ADGRL2: variants seen among roughly 807,000 people sequenced by gnomAD.
The protein encoded by ADGRL2 is calcium-independent alpha-latrotoxin receptor 2.
In ADGRL2, 44 loss-of-function variants were observed where a neutral mutation model predicts 157.4. That is an observed-to-expected ratio of 0.28 (90% confidence interval 0.22 to 0.36). The LOEUF (loss-of-function observed/expected upper bound fraction) is 0.36. Ranked by LOEUF, ADGRL2 falls within the 10% of genes least tolerant of loss-of-function variation. The probability of loss-of-function intolerance (pLI) is 1.00; values close to 1 mark genes in which losing one functional copy is unlikely to be tolerated. For missense variants in ADGRL2, 1,510 were observed against 1,768.9 expected (o/e 0.85, Z 2.63); for synonymous variants, 585 against 624.7 (o/e 0.94, Z 0.95).
chr1:81,712,530 C>T (rs1021321468), intron 1 of ADGRL2, among the ~76,000 whole-genome samples: 1 of 151,878 alleles, frequency 6.6e-6, no homozygotes, highest in Non-Finnish European at 1.5e-5. Context: ...TATTTAAGAC[C>T]GAGACACTGA....
chr1:81,456,435 G>A (rs572088309), intron 2 of ADGRL2, among the ~76,000 whole-genome samples: 65 of 151,830 alleles, frequency 4.3e-4, no homozygotes, highest in African/African-American at 1.5e-3. Flanking sequence ...ACAGGGTCTC[G>A]CTTTGTTGCC....
intron 17 of ADGRL2, among the ~76,000 whole-genome samples, chr1:81,973,647 T>C (rs1572454839): frequency 6.6e-6 from 1 of 152,354 alleles, no homozygotes; most frequent in East Asian, 1.9e-4. Flanking sequence ...TATTATGTTG[T>C]TCATTTATAG....
rs367624384 is a variant in ADGRL2 at position 81,950,320 on chromosome 1, A to G, written c.1342A>G (p.Thr448Ala). 6.2e-6 allele frequency: 10 copies of G among 1,613,992 alleles called. No individual in the cohort carries two copies. The highest frequency in any genetic ancestry group is 8.5e-6 in the Non-Finnish European group (10 of 1,179,978). The change falls in exon 7 of 24, where the codon ACA becomes GCA. Residue 448 changes from threonine (T) to alanine (A), a missense_variant. This residue lies in a region of ADGRL2 where 325 missense variants were observed against 333.2 expected (regional missense o/e 0.98). Coordinates refer to ENST00000686636, the MANE Select transcript of ADGRL2 (RefSeq NM_001366006.2). Reference protein sequence around the residue: ...VAGSQEGSKGTKPPPAVSTTK... With the variant: ...VAGSQEGSKGAKPPPAVSTTK... ...TGGATCACAGGAAGGAAGCAAAGGGACAAAACCACCTCCAGCAGTTTCTAC... is the reference window on the plus strand; with the variant it reads ...TGGATCACAGGAAGGAAGCAAAGGGGCAAAACCACCTCCAGCAGTTTCTAC...
intron 2 of ADGRL2, among the ~76,000 whole-genome samples, chr1:81,792,281 T>C (rs1403699980): frequency 6.6e-6 from 1 of 152,212 alleles, no homozygotes; most frequent in Non-Finnish European, 1.5e-5. Context: ...GTGCCAAATG[T>C]AGCACAAATG....
At chr1:81,395,546 C>A (rs557926971) in intron 1 of ADGRL2, among the ~76,000 whole-genome samples, 1 of 152,106 alleles carries the variant, frequency 6.6e-6, no homozygotes, top group African/African-American at 2.4e-5. Flanking sequence ...AGTAGCATTT[C>A]AGTTTGATAT....
chr1:81,755,377 T>C (rs1335988694), intron 1 of ADGRL2, among the ~76,000 whole-genome samples: 2 of 151,768 alleles, frequency 1.3e-5, no homozygotes, highest in Non-Finnish European at 2.9e-5. Flanking sequence ...TCATTATCAT[T>C]ATTATATATG....
intron 2 of ADGRL2, among the ~76,000 whole-genome samples, chr1:81,529,217 G>T (rs1327423073): frequency 6.6e-6 from 1 of 152,216 alleles, no homozygotes; most frequent in East Asian, 1.9e-4. Flanking sequence ...ACAAGGGGAG[G>T]TGCATGCAGC....
chr1:81,857,359 A>G lies in ADGRL2; in HGVS notation c.73+20302A>G, dbSNP rs190133880. ...TAATTTTAGCAACGCATATATATGT[A>G]AAAAGGAAATGACTTTAAAGGTTTA... On this transcript the variant is annotated intron_variant, in intron 2 of 23. Transcript: ENST00000686636. Among the ~76,000 whole-genome samples, 11 of 152,332 alleles carry G rather than the reference A, an allele frequency of 7.2e-5. No homozygotes were observed. In the East Asian group the frequency reaches 2.1e-3, roughly 29 times the overall value.
At chr1:81,602,044 A>T (rs1410387150) in intron 3 of ADGRL2, among the ~76,000 whole-genome samples, 1 of 152,210 alleles carries the variant, frequency 6.6e-6, no homozygotes, top group East Asian at 1.9e-4. Flanking sequence ...TACAAGCTGC[A>T]AACACAAATG....
At chr1:81,688,551 C>T (rs1227261903) in intron 3 of ADGRL2, among the ~76,000 whole-genome samples, 1 of 151,850 alleles carries the variant, frequency 6.6e-6, no homozygotes, top group African/African-American at 2.4e-5. Flanking sequence ...TATTTATTTC[C>T]TTGAATATTC....
chr1:81,392,713 T>C (rs950805103), intron 1 of ADGRL2, among the ~76,000 whole-genome samples: 2 of 152,096 alleles, frequency 1.3e-5, no homozygotes, highest in Admixed American at 1.3e-4. Flanking sequence ...CAATGGGAAA[T>C]AGAGTGCCAA....
intron 2 of ADGRL2, among the ~76,000 whole-genome samples, chr1:81,567,552 C>T (rs759906464): frequency 2.6e-5 from 4 of 152,042 alleles, no homozygotes; most frequent in Non-Finnish European, 5.9e-5. Context: ...CAAAACACTT[C>T]GTGTCCCAAG....
intron 1 of ADGRL2, among the ~76,000 whole-genome samples, chr1:81,401,520 A>T (rs1330493568): frequency 6.6e-6 from 1 of 152,050 alleles, no homozygotes; most frequent in Non-Finnish European, 1.5e-5. Context: ...AGCTTCTTTC[A>T]TGTATGCCAG....
At chr1:81,807,070 C>T (rs2089254379) in intron 1 of ADGRL2, among the ~76,000 whole-genome samples, 2 of 151,992 alleles carry the variant, frequency 1.3e-5, no homozygotes, top group South Asian at 2.1e-4. Flanking sequence ...AAAAATGGTT[C>T]TTCAAGATTA....
chr1:81,816,990 G>A (rs2090469110), intron 1 of ADGRL2, among the ~76,000 whole-genome samples: 1 of 149,818 alleles, frequency 6.7e-6, no homozygotes, highest in Non-Finnish European at 1.5e-5. Flanking sequence ...ATATTTAGGG[G>A]GTACAAGCAC....
chr1:81,669,175 A>G (rs1246308660), intron 3 of ADGRL2, among the ~76,000 whole-genome samples: 1 of 151,582 alleles, frequency 6.6e-6, no homozygotes, highest in Non-Finnish European at 1.5e-5. Context: ...AAACAAATAC[A>G]CCTAAATTAC....
rs1055809458 is a variant in ADGRL2 at position 81,747,151 on chromosome 1, G to A, written c.-142-14660G>A. Reference sequence around the variant, plus strand: ...TATGTATATATGTATACATATATACGTATATATGTATGTGTGTATATATAC... The same window carrying A: ...TATGTATATATGTATACATATATACATATATATGTATGTGTGTATATATAC... On this transcript the variant is annotated intron_variant, in intron 1 of 20. Coordinates refer to the ADGRL2 transcript ENST00000359929. 8.0e-5 allele frequency among the ~76,000 whole-genome samples: 11 copies of A among 137,054 alleles called. No homozygotes were observed. In the South Asian group the frequency reaches 1.1e-3, roughly 13 times the overall value. 89.9% of individuals were successfully genotyped at this position (137,054 alleles called of 152,430 possible). A position where few individuals can be genotyped will look rare whatever the true frequency, so the allele number is the denominator to read the frequency against.
chr1:81,462,262 A>T (rs1486639070), intron 2 of ADGRL2, among the ~76,000 whole-genome samples: 4 of 152,186 alleles, frequency 2.6e-5, no homozygotes, highest in Non-Finnish European at 5.9e-5. Flanking sequence ...GCCAAATAAG[A>T]GAATAAGAGC....
At chr1:81,761,623 A>G (rs918975098) in intron 1 of ADGRL2, among the ~76,000 whole-genome samples, 1 of 152,038 alleles carries the variant, frequency 6.6e-6, no homozygotes, top group Non-Finnish European at 1.5e-5. Flanking sequence ...TATCAAAACA[A>G]GTGCTTAATC....
Sources: gnomAD v4.1 joint callset for allele counts (sites outside exome capture counted in the v4.1 genomes callset) on GRCh38, gnomAD v4.1.1 for gene constraint, gnomAD v4.1.1 regional missense constraint, MANE v1.5 for transcripts, NCBI Gene and HGNC (gene_info 2026-07-23, HGNC 2026-07-21) for gene names.